The following DPYD variants were observed in gnomAD, a reference collection of about 807,000 sequenced individuals.
The protein encoded by DPYD is dihydropyrimidine dehydrogenase [NADP(+)].
DPYD carries 109 observed loss-of-function variants against 116.2 expected under a neutral mutation model. The observed-to-expected ratio is 0.94, with a 90% confidence interval of 0.80 to 1.10. The LOEUF (loss-of-function observed/expected upper bound fraction) is 1.10. DPYD is among the 50% of genes least tolerant of loss of function. The pLI, the probability that DPYD is intolerant of heterozygous loss-of-function variation, is 0.00. For missense variants in DPYD, 1,302 were observed against 1,254.5 expected (o/e 1.04, Z -0.57); for synonymous variants, 440 against 432.0 (o/e 1.02, Z -0.23).
rs58897692 is a variant in DPYD, at chr1:97,398,726, T to G, written c.1906-16265A>C. 9.9e-5 allele frequency among the ~76,000 whole-genome samples: 15 copies of G among 152,146 alleles called. 1 individual carries two copies. Among genetic ancestry groups the G allele is most frequent in the Non-Finnish European group, 2.9e-5 (2 of 68,016 alleles). On this transcript the variant is annotated intron_variant, in intron 14 of 22. Coordinates refer to ENST00000370192, the MANE Select transcript of DPYD (RefSeq NM_000110.4). ...GATGAGCATTTTTTCATTTGTCTGA[T>G]GGCTGCATAAATGTCTTCTTTTGAG...
intron 15 of DPYD, among the ~76,000 whole-genome samples, chr1:97,375,970 C>T (rs1395224006): frequency 1.3e-5 from 2 of 152,194 alleles, no homozygotes; most frequent in Non-Finnish European, 2.9e-5. Context: ...TTCAAACTTA[C>T]ACCTAGCTAC....
At position 97,544,244 on chromosome 1, in the gene DPYD, C is replaced by T. The variant is rs1014997880; in HGVS notation, c.1524+5316G>A. Among the ~76,000 whole-genome samples, 9 of 152,110 alleles carry T rather than the reference C, an allele frequency of 5.9e-5. No homozygotes were observed. In the South Asian group the frequency reaches 1.7e-3, roughly 28 times the overall value. ...TGACAATGTGGAGAGAGAAAAATCC[C>T]ACTTTGTCTATATGTACCTTGTTAG... On this transcript the variant is annotated intron_variant, in intron 12 of 22. Coordinates refer to ENST00000370192, the MANE Select transcript of DPYD (RefSeq NM_000110.4).
intron 16 of DPYD, among the ~76,000 whole-genome samples, chr1:97,352,174 A>G (rs141110649): frequency 6.2e-4 from 94 of 152,336 alleles, no homozygotes; most frequent in African/African-American, 2.2e-3. Flanking sequence ...AAAGGGATCA[A>G]GGAAGTGAAA....
Position 97,569,704 on chromosome 1 carries a change from G to A in DPYD, c.1339+4056C>T, listed in dbSNP as rs76035990. Among the ~76,000 whole-genome samples, 1,119 of 151,954 alleles carry A rather than the reference G, an allele frequency of 7.4e-3. 27 individuals carry two copies. The highest frequency in any genetic ancestry group is 0.051 in the Admixed American group (779 of 15,200). On this transcript the variant is annotated intron_variant, in intron 11 of 22. Coordinates refer to ENST00000370192, the MANE Select transcript of DPYD (RefSeq NM_000110.4). Reference sequence around the variant, plus strand: ...ACCATTTTGAGTTTTTCACAAGAAAGATATTTAAGGCTGACGTTATATCAA... The same window carrying A: ...ACCATTTTGAGTTTTTCACAAGAAAAATATTTAAGGCTGACGTTATATCAA...
chr1:97,531,072 A>G (rs1449767610), intron 12 of DPYD, among the ~76,000 whole-genome samples: 1 of 152,000 alleles, frequency 6.6e-6, no homozygotes, highest in African/African-American at 2.4e-5. Flanking sequence ...CTGCTTTATT[A>G]CTCTGTTGAT....
intron 12 of DPYD, among the ~76,000 whole-genome samples, chr1:97,537,204 G>C (rs1650064583): frequency 6.6e-6 from 1 of 152,176 alleles, no homozygotes; most frequent in Non-Finnish European, 1.5e-5. Flanking sequence ...TCTTTGTCCA[G>C]AGCAGAAATC....
chr1:97,880,539 A>G (rs1672156482), intron 2 of DPYD, among the ~76,000 whole-genome samples: 1 of 151,820 alleles, frequency 6.6e-6, no homozygotes, highest in Non-Finnish European at 1.5e-5. Flanking sequence ...TACTGCTCTG[A>G]GAAATTCATG....
At chr1:97,643,491 T>A (rs1181473819) in intron 8 of DPYD, among the ~76,000 whole-genome samples, 1 of 152,180 alleles carries the variant, frequency 6.6e-6, no homozygotes, top group Non-Finnish European at 1.5e-5. Flanking sequence ...TTGGTGGGAA[T>A]GTAAATTAGT....
intron 20 of DPYD, among the ~76,000 whole-genome samples, chr1:97,115,756 C>A (rs534865719): frequency 6.6e-6 from 1 of 151,968 alleles, no homozygotes; most frequent in Non-Finnish European, 1.5e-5. Flanking sequence ...AATCTCAAAT[C>A]GTAATTTAGA....
chr1:97,417,179 G>C (rs982643930), intron 14 of DPYD, among the ~76,000 whole-genome samples: 1 of 152,210 alleles, frequency 6.6e-6, no homozygotes, highest in Admixed American at 6.5e-5. Flanking sequence ...ATAATGTCTT[G>C]GATAAGTTAA....
rs186498228 is a variant in DPYD, at chr1:97,670,875, C to G, written c.850+8220G>C. Among the ~76,000 whole-genome samples the G allele has an allele frequency of 2.5e-3, 386 of 152,058 alleles. 1 individual carries two copies. Among genetic ancestry groups the G allele is most frequent in the Non-Finnish European group, 3.8e-3 (257 of 67,938 alleles). ...AATTAATGCTTAAACAATGAAAATA[C>G]CAAAAAGAACTGTTTTACTTCTCTA... On this transcript the variant is annotated intron_variant, in intron 8 of 22. Coordinates refer to ENST00000370192, the MANE Select transcript of DPYD (RefSeq NM_000110.4).
At chr1:97,242,113 T>C in intron 18 of DPYD, among the ~76,000 whole-genome samples, 1 of 117,320 alleles carries the variant, frequency 8.5e-6, no homozygotes, top group African/African-American at 3.2e-5. Context: ...TTGCAACGTG[T>C]GTGTGCGTGT....
intron 18 of DPYD, among the ~76,000 whole-genome samples, chr1:97,273,635 A>G (rs575078924): frequency 6.6e-6 from 1 of 152,302 alleles, no homozygotes; most frequent in East Asian, 1.9e-4. Context: ...GACATTGTCA[A>G]TATGTGATTG....
chr1:97,813,915 G>C (rs1039487797), intron 3 of DPYD, among the ~76,000 whole-genome samples: 10 of 144,610 alleles, frequency 6.9e-5, no homozygotes, highest in South Asian at 2.2e-4. Flanking sequence ...GAAACACACA[G>C]ACACACACAC....
At chr1:97,671,636 TTC>T (rs1659865152) in intron 8 of DPYD, among the ~76,000 whole-genome samples, 1 of 152,266 alleles carries the variant, frequency 6.6e-6, no homozygotes, top group African/African-American at 2.4e-5. Flanking sequence ...TTTCTTTTTT[TTC>T]TTTTTCCAAT....
At chr1:97,297,351 G>A (rs1002780578) in intron 18 of DPYD, among the ~76,000 whole-genome samples, 3 of 152,094 alleles carry the variant, frequency 2.0e-5, no homozygotes, top group African/African-American at 7.2e-5. Flanking sequence ...GGTTTACTAT[G>A]CCCCACACTT....
At chr1:97,528,044 T>C (rs1438956123) in intron 12 of DPYD, among the ~76,000 whole-genome samples, 1 of 152,162 alleles carries the variant, frequency 6.6e-6, no homozygotes, top group East Asian at 1.9e-4. Flanking sequence ...ATAAATAACA[T>C]TGCATAGCTG....
At chr1:97,136,457 C>T (rs1009918410) in intron 20 of DPYD, among the ~76,000 whole-genome samples, 10 of 152,150 alleles carry the variant, frequency 6.6e-5, no homozygotes, top group Non-Finnish European at 1.5e-4. Flanking sequence ...GACTGCCTCG[C>T]GAATCCAGTC....
At chr1:97,275,324 C>T (rs1237646044) in intron 18 of DPYD, among the ~76,000 whole-genome samples, 1 of 152,158 alleles carries the variant, frequency 6.6e-6, no homozygotes, top group Non-Finnish European at 1.5e-5. Context: ...GATCACTCCC[C>T]CATGGAGCTC....
Sources: allele counts gnomAD v4.1 joint callset (sites outside exome capture counted in the v4.1 genomes callset), GRCh38; gene constraint gnomAD v4.1.1; transcripts MANE v1.5; gene names NCBI Gene and HGNC (gene_info 2026-07-23, HGNC 2026-07-21).